Variants in ADAMTS3 observed in about 807,000 individuals in gnomAD.
ADAMTS3 encodes A disintegrin and metalloproteinase with thrombospondin motifs 3.
A neutral mutation model predicts 129.0 loss-of-function variants in ADAMTS3; 73 were observed. The ratio of observed to expected loss-of-function variants is 0.57; its 90% CI spans 0.47 to 0.69. The LOEUF (loss-of-function observed/expected upper bound fraction) is 0.69, where lower values mean the gene tolerates loss of function less well. Ranked by LOEUF, ADAMTS3 falls within the 30% of genes least tolerant of loss-of-function variation. The pLI, the probability that ADAMTS3 is intolerant of heterozygous loss-of-function variation, is 0.00. For missense variants in ADAMTS3, 1,457 were observed against 1,514.5 expected, an observed-to-expected ratio of 0.96 and a Z score of 0.63; for synonymous variants, 477 against 510.8, an observed-to-expected ratio of 0.93 and a Z score of 0.89.
chr4:72,526,733 CATATATATATATATATATATAT>C (rs36097990), intron 3 of ADAMTS3, among the ~76,000 whole-genome samples: 29,722 of 99,368 alleles, frequency 0.3, 4,310 homozygotes, highest in Middle Eastern at 0.4. Context: ...TATATACATA[CATATATATATATATATATATAT>C]ATATATATAT....
At position 72,289,248 on chromosome 4, in the gene ADAMTS3, G is replaced by A. The variant is rs1913375; in HGVS notation, c.2932-380C>T. ...AAGCATATCATATGAAAGAAGCCAT[G>A]ATTAATAACAATGGTAACATCTGCT... On this transcript the variant is annotated intron_variant, in intron 20 of 21. Transcript: ENST00000286657. 1.4e-3 allele frequency among the ~76,000 whole-genome samples: 213 copies of A among 152,270 alleles called. 4 individuals are homozygous for A. The South Asian group carries it at 0.043, about 31-fold the overall frequency.
At chr4:72,378,296 G>C (rs1323651687) in intron 4 of ADAMTS3, among the ~76,000 whole-genome samples, 1 of 152,124 alleles carries the variant, frequency 6.6e-6, no homozygotes, top group Non-Finnish European at 1.5e-5. Context: ...TCAGCACAAA[G>C]AGTCAAAATG....
intron 3 of ADAMTS3, among the ~76,000 whole-genome samples, chr4:72,508,290 G>A (rs1018413208): frequency 2.6e-5 from 4 of 152,062 alleles, no homozygotes; most frequent in African/African-American, 9.7e-5. Context: ...TAGTTCTTTA[G>A]AGGCCTATAA....
intron 2 of ADAMTS3, among the ~76,000 whole-genome samples, chr4:72,563,528 T>C (rs1721954228): frequency 6.6e-6 from 1 of 152,052 alleles, no homozygotes; most frequent in South Asian, 2.1e-4. Flanking sequence ...TAGTTGGCAT[T>C]CCAAAACTGC....
At chr4:72,350,845 A>T (rs905907835) in intron 4 of ADAMTS3, among the ~76,000 whole-genome samples, 1 of 151,870 alleles carries the variant, frequency 6.6e-6, no homozygotes, top group African/African-American at 2.4e-5. Context: ...GTTTCCTCAC[A>T]TATATATGCG....
intron 3 of ADAMTS3, among the ~76,000 whole-genome samples, chr4:72,515,356 T>C (rs1373462250): frequency 3.3e-5 from 5 of 151,646 alleles, no homozygotes; most frequent in African/African-American, 9.7e-5. Context: ...TACCCAGTAA[T>C]GGGATGGCTG....
At chr4:72,361,455 G>A (rs1467880294) in intron 4 of ADAMTS3, among the ~76,000 whole-genome samples, 2 of 152,118 alleles carry the variant, frequency 1.3e-5, no homozygotes, top group African/African-American at 2.4e-5. Context: ...AAAGACAGGT[G>A]TTTATTAGTG....
intron 4 of ADAMTS3, among the ~76,000 whole-genome samples, chr4:72,394,650 G>A (rs1440593077): frequency 1.3e-5 from 2 of 152,148 alleles, no homozygotes; most frequent in Non-Finnish European, 2.9e-5. Flanking sequence ...GGGGGGTGAT[G>A]TATGTTTATT....
At chr4:72,446,172 C>A (rs1718247997) in intron 3 of ADAMTS3, among the ~76,000 whole-genome samples, 1 of 151,672 alleles carries the variant, frequency 6.6e-6, no homozygotes, top group Admixed American at 6.6e-5. Flanking sequence ...TTCAAGCTAA[C>A]TGTAGCAGTT....
intron 5 of ADAMTS3, among the ~76,000 whole-genome samples, chr4:72,324,270 A>G (rs1719639642): frequency 6.6e-6 from 1 of 152,212 alleles, no homozygotes; most frequent in Non-Finnish European, 1.5e-5. Flanking sequence ...TTCACAAATC[A>G]TAGTATTTTG....
In ADAMTS3 at chr4:72,291,000, C is replaced by A. The variant is rs780251054; in HGVS notation, c.2786G>T (p.Arg929Leu). 8 of 1,613,980 alleles carry A rather than the reference C, an allele frequency of 5.0e-6. No homozygotes were observed. The highest frequency in any genetic ancestry group is 3.3e-5 in the Admixed American group (2 of 60,010). Reference protein sequence around the residue: ...KTCGSSGYQLRTVRCLQPLLD... With the variant: ...KTCGSSGYQLLTVRCLQPLLD... ...GAGTGGCTGAAGGCAGCGTACAGTGCGAAGCTGATAGCCAGAACTTCCACA... is the reference window on the plus strand; with the variant it reads ...GAGTGGCTGAAGGCAGCGTACAGTGAGAAGCTGATAGCCAGAACTTCCACA... The change falls in exon 20 of 22, where the codon CGC (arginine) becomes CTC (leucine). Residue 929 changes from arginine to leucine, a missense_variant. Transcript: ENST00000286657.
Position 72,530,406 on chromosome 4 carries a change from TA to T in ADAMTS3, c.504+18071del, listed in dbSNP as rs1345269618. Among the ~76,000 whole-genome samples, 185 of 85,738 alleles carry T rather than the reference TA, an allele frequency of 2.2e-3. 1 individual carries two copies. The highest frequency in any genetic ancestry group is 8.3e-3 in the African/African-American group (175 of 21,062). The allele number at this position is 85,738 out of a possible 152,430, so 56.2% of individuals were successfully genotyped here. ...TATATTAAATTAACATATATGAATT[TA>T]ATATATAATATATATTAAATTAATA... On this transcript the variant is annotated intron_variant, in intron 3 of 21. Transcript: ENST00000286657.
At chr4:72,287,744 C>T (rs1265973365) in intron 21 of ADAMTS3, among the ~76,000 whole-genome samples, 4 of 152,046 alleles carry the variant, frequency 2.6e-5, no homozygotes, top group Non-Finnish European at 5.9e-5. Context: ...AGACAGAGGA[C>T]AGCAAATGGA....
intron 4 of ADAMTS3, among the ~76,000 whole-genome samples, chr4:72,366,279 A>G (rs1720865546): frequency 6.6e-6 from 1 of 152,196 alleles, no homozygotes; most frequent in Non-Finnish European, 1.5e-5. Context: ...GCATTCTTGA[A>G]GCAGATTCAT....
intron 4 of ADAMTS3, among the ~76,000 whole-genome samples, chr4:72,339,972 G>A (rs938072415): frequency 6.6e-6 from 1 of 152,118 alleles, no homozygotes; most frequent in Non-Finnish European, 1.5e-5. Flanking sequence ...GATAGAAGTG[G>A]TTCAGTTTTT....
chr4:72,423,704 C>A (rs765367017), intron 3 of ADAMTS3, among the ~76,000 whole-genome samples: 1 of 152,018 alleles, frequency 6.6e-6, no homozygotes, highest in Non-Finnish European at 1.5e-5. Context: ...TTTCAATGGC[C>A]TCTCCAGAAT....
chr4:72,526,733 CATATATATATATAT>C lies in ADAMTS3; in HGVS notation c.504+21731_504+21744del, dbSNP rs36097990. 6.7e-3 allele frequency among the ~76,000 whole-genome samples: 664 copies of C among 99,034 alleles called. 6 individuals are homozygous for C. Among genetic ancestry groups the C allele is most frequent in the South Asian group, 0.023 (64 of 2,752 alleles). The allele number at this position is 99,034 out of a possible 152,430, so 65.0% of individuals were successfully genotyped here. ...TAGAGACAGAAAAAATATATACATACATATATATATATATATATATATATATATATATATATATA... is the reference window on the plus strand; with the variant it reads ...TAGAGACAGAAAAAATATATACATACATATATATATATATATATATATATA... On this transcript the variant is annotated intron_variant, in intron 3 of 21. Transcript: ENST00000286657.
chr4:72,500,516 C>A (rs755819855), intron 3 of ADAMTS3, among the ~76,000 whole-genome samples: 3 of 152,198 alleles, frequency 2.0e-5, no homozygotes, highest in Non-Finnish European at 2.9e-5. Flanking sequence ...GATATGAAAT[C>A]TTTGTCAGAT....
At chr4:72,342,863 G>T (rs1042289017) in intron 4 of ADAMTS3, among the ~76,000 whole-genome samples, 13 of 152,144 alleles carry the variant, frequency 8.5e-5, no homozygotes, top group Admixed American at 5.9e-4. Flanking sequence ...TATTGAAGTG[G>T]CATCGTTGTC....
Sources: allele counts gnomAD v4.1 joint callset (sites outside exome capture counted in the v4.1 genomes callset), GRCh38; gene constraint gnomAD v4.1.1; transcripts MANE v1.5; gene names NCBI Gene and HGNC (gene_info 2026-07-23, HGNC 2026-07-21).